Variants in BCKDHB observed in about 807,000 individuals in gnomAD.
The protein encoded by BCKDHB is 2-oxoisovalerate dehydrogenase subunit beta, mitochondrial.
Under a neutral mutation model 48.5 loss-of-function variants are expected in BCKDHB, and 41 were observed. The observed-to-expected ratio is 0.85, with a 90% confidence interval of 0.66 to 1.10. BCKDHB has a LOEUF of 1.10. BCKDHB is among the 50% of genes least tolerant of loss of function. The probability of loss-of-function intolerance (pLI) is 0.00; values close to 1 mark genes in which losing one functional copy is unlikely to be tolerated. For missense variants in BCKDHB, 496 were observed against 494.2 expected, an observed-to-expected ratio of 1.00 and a Z score of -0.03; for synonymous variants, 201 against 174.8, an observed-to-expected ratio of 1.15 and a Z score of -1.18.
chr6:80,291,833 A>G (rs1375583544), intron 9 of BCKDHB, among the ~76,000 whole-genome samples: 1 of 152,228 alleles, frequency 6.6e-6, no homozygotes, highest in Non-Finnish European at 1.5e-5. Context: ...TATTTTTACT[A>G]AAGACATAGT....
intron 8 of BCKDHB, among the ~76,000 whole-genome samples, chr6:80,270,756 G>C (rs1022922802): frequency 6.6e-6 from 1 of 152,098 alleles, no homozygotes; most frequent in Non-Finnish European, 1.5e-5. Flanking sequence ...ACCTGGAGCA[G>C]ATCACACAGA....
At chr6:80,295,112 C>T (rs566278566) in intron 9 of BCKDHB, among the ~76,000 whole-genome samples, 1 of 152,306 alleles carries the variant, frequency 6.6e-6, no homozygotes, top group African/African-American at 2.4e-5. Context: ...TCTCTTTATA[C>T]TGTCTCTCTT....
chr6:80,113,875 T>G (rs896718220), intron 1 of BCKDHB, among the ~76,000 whole-genome samples: 1 of 152,186 alleles, frequency 6.6e-6, no homozygotes, highest in East Asian at 1.9e-4. Context: ...AGTTACAAAT[T>G]TACACCCTAT....
chr6:80,212,193 A>G (rs777197232), intron 8 of BCKDHB, among the ~76,000 whole-genome samples: 8 of 152,088 alleles, frequency 5.3e-5, no homozygotes, highest in Non-Finnish European at 1.2e-4. Flanking sequence ...TCTGACCACA[A>G]ATTTACCAGG....
At chr6:80,365,318 T>C in the BCKDHB span, among the ~76,000 whole-genome samples, 1 of 151,640 alleles carries the variant, frequency 6.6e-6, no homozygotes, top group African/African-American at 2.4e-5. Flanking sequence ...CAGGGCAGAG[T>C]TTTTCCCCAC....
the BCKDHB span, among the ~76,000 whole-genome samples, chr6:80,410,994 A>C: frequency 2.6e-5 from 4 of 152,140 alleles, no homozygotes; most frequent in Admixed American, 6.5e-5. Flanking sequence ...ATTGCTGGTG[A>C]GGAGTTGTGA....
At chr6:80,223,126 A>G (rs772490325) in intron 8 of BCKDHB, among the ~76,000 whole-genome samples, 2 of 152,224 alleles carry the variant, frequency 1.3e-5, no homozygotes, top group Non-Finnish European at 2.9e-5. Flanking sequence ...TATTCATTTA[A>G]TATAGAAACA....
chr6:80,373,439 G>T, the BCKDHB span, among the ~76,000 whole-genome samples: 1 of 151,824 alleles, frequency 6.6e-6, no homozygotes, highest in Non-Finnish European at 1.5e-5. Flanking sequence ...TTTTGTTGTT[G>T]TTGTTTAAAT....
At chr6:80,159,762 T>C (rs1772224491) in intron 3 of BCKDHB, among the ~76,000 whole-genome samples, 1 of 152,242 alleles carries the variant, frequency 6.6e-6, no homozygotes, top group South Asian at 2.1e-4. Flanking sequence ...ATAATGACTT[T>C]TATTTCCCTG....
At chr6:80,336,092 T>C (rs1171223754) in intron 9 of BCKDHB, among the ~76,000 whole-genome samples, 40 of 152,016 alleles carry the variant, frequency 2.6e-4, no homozygotes, top group Non-Finnish European at 7.4e-5. Context: ...AGCTATAGTT[T>C]TGAGAAAATA....
Position 80,162,696 on chromosome 6 carries a change from C to T in BCKDHB, c.344-4982C>T, listed in dbSNP as rs181919572. The stretch of plus-strand genomic sequence containing the variant: ...TGAAACCCCATCTCTACGAAAAATA[C>T]AAAAATTAGCTGGGCGTGGTCGTGG... On this transcript the variant is annotated intron_variant, in intron 3 of 9. Transcript: ENST00000320393. Among the ~76,000 whole-genome samples, 492 of 152,058 alleles carry T rather than the reference C, an allele frequency of 3.2e-3. 3 individuals are homozygous for T. The highest frequency in any genetic ancestry group is 0.011 in the African/African-American group (469 of 41,516).
chr6:80,137,872 C>T (rs1770969370), intron 3 of BCKDHB, among the ~76,000 whole-genome samples: 1 of 151,744 alleles, frequency 6.6e-6, no homozygotes, highest in South Asian at 2.1e-4. Flanking sequence ...TTGCTTGAGG[C>T]CAAGAGTTTG....
At chr6:80,464,261 G>A in the BCKDHB span, among the ~76,000 whole-genome samples, 4 of 151,884 alleles carry the variant, frequency 2.6e-5, no homozygotes, top group Admixed American at 6.6e-5. Context: ...CTGAGTACTG[G>A]GACCACAGGC....
At chr6:80,390,110 G>A in the BCKDHB span, among the ~76,000 whole-genome samples, 1 of 152,126 alleles carries the variant, frequency 6.6e-6, no homozygotes, top group Non-Finnish European at 1.5e-5. Context: ...GTGTTGGCTG[G>A]GGTGATTGAC....
At chr6:80,320,347 G>A (rs1180997006) in intron 9 of BCKDHB, among the ~76,000 whole-genome samples, 1 of 152,148 alleles carries the variant, frequency 6.6e-6, no homozygotes, top group Non-Finnish European at 1.5e-5. Flanking sequence ...TCTACCTTAT[G>A]ATTGACCATT....
chr6:80,181,791 C>A (rs908137953), intron 6 of BCKDHB, among the ~76,000 whole-genome samples: 4 of 152,130 alleles, frequency 2.6e-5, no homozygotes, highest in African/African-American at 7.2e-5. Flanking sequence ...AAGAGGAGGA[C>A]AAATAGACAC....
chr6:80,299,107 T>C (rs187226077), intron 9 of BCKDHB, among the ~76,000 whole-genome samples: 2 of 152,272 alleles, frequency 1.3e-5, no homozygotes, highest in African/African-American at 4.8e-5. Flanking sequence ...GGAAGGACTC[T>C]AACCTTCCTA....
At position 80,204,297 on chromosome 6, in the gene BCKDHB, C is replaced by T. The variant is rs1774534747; in HGVS notation, c.951+1085C>T. On this transcript the variant is annotated intron_variant, in intron 8 of 9. Transcript: ENST00000320393. The stretch of plus-strand genomic sequence containing the variant: ...GTTATAGTAAATGTTTGTGAAGACT[C>T]ACTTGACACCATCTAAACACTTGAC... Among the ~76,000 whole-genome samples, 4 of 152,078 alleles carry T rather than the reference C, an allele frequency of 2.6e-5. 1 individual carries two copies. In the South Asian group the frequency reaches 8.3e-4, roughly 31 times the overall value.
chr6:80,174,973 ATATGT>A (rs1450950712), intron 6 of BCKDHB, among the ~76,000 whole-genome samples: 1 of 152,238 alleles, frequency 6.6e-6, no homozygotes, highest in East Asian at 1.9e-4. Flanking sequence ...ATAAAGTTAG[ATATGT>A]TAAGTTATGC....
Sources: gnomAD v4.1 joint callset for allele counts (sites outside exome capture counted in the v4.1 genomes callset) on GRCh38, gnomAD v4.1.1 for gene constraint, MANE v1.5 for transcripts, NCBI Gene and HGNC (gene_info 2026-07-23, HGNC 2026-07-21) for gene names.